The following SYTL5 variants were observed in gnomAD, a reference collection of about 807,000 sequenced individuals.
The protein encoded by SYTL5 is synaptotagmin like 5.
In SYTL5, 34 loss-of-function variants were observed where a neutral mutation model predicts 55.9. The ratio of observed to expected loss-of-function variants is 0.61; its 90% CI spans 0.46 to 0.81. SYTL5 has a LOEUF of 0.81. Among genes scored for constraint, SYTL5 ranks in the 30% least tolerant of loss-of-function variants. The pLI, the probability that SYTL5 is intolerant of heterozygous loss-of-function variation, is 0.00. For synonymous variants in SYTL5, 221 were observed against 188.7 expected, an observed-to-expected ratio of 1.17 and a Z score of -1.40; for missense variants, 637 against 546.7, an observed-to-expected ratio of 1.17 and a Z score of -1.65.
chrX:38,106,553 G>A lies in SYTL5; in HGVS notation c.1156-40G>A, dbSNP rs1937214735. The A allele has an allele frequency of 2.7e-6, 3 of 1,098,209 alleles. No individual in the cohort carries two copies. In the East Asian group the frequency reaches 9.4e-5, roughly 34 times the overall value. 90.5% of individuals were successfully genotyped at this position (1,098,209 alleles called of 1,213,427 possible). ...AGTTGATTCTGTGAAGAGATCATTA[G>A]AATGACACTAGAAGCCTTTTTCCAT... is the stretch of plus-strand genomic sequence containing the variant. On this transcript the variant is annotated intron_variant, in intron 10 of 16. Transcript: ENST00000297875.
chrX:37,919,521 A>G, the SYTL5 span, among the ~76,000 whole-genome samples: 1 of 111,877 alleles, frequency 8.9e-6, no homozygotes. Flanking sequence ...CTAAAAGGTG[A>G]TCATATTAGG....
intron 6 of SYTL5, among the ~76,000 whole-genome samples, chrX:38,084,392 A>C (rs1189203374): frequency 8.9e-6 from 1 of 112,208 alleles, no homozygotes. Flanking sequence ...CTAATTAAAC[A>C]CAAAGAGGGG....
chrX:37,968,420 AAG>A, the SYTL5 span, among the ~76,000 whole-genome samples: 1 of 111,262 alleles, frequency 9.0e-6, no homozygotes, highest in Non-Finnish European at 1.9e-5. Flanking sequence ...TTCTGGTGAA[AAG>A]GGTTTGAAAG....
At chrX:37,995,267 A>T in the SYTL5 span, among the ~76,000 whole-genome samples, 3 of 110,040 alleles carry the variant, frequency 2.7e-5, no homozygotes, top group African/African-American at 1.0e-4. Context: ...ATTCAGGATA[A>T]CAAAGGTCTG....
the SYTL5 span, among the ~76,000 whole-genome samples, chrX:37,982,139 T>G: frequency 8.9e-6 from 1 of 111,911 alleles, no homozygotes; most frequent in Non-Finnish European, 1.9e-5. Flanking sequence ...ATTATAAATA[T>G]CTTCAAAGGA....
At chrX:38,046,012 A>C (rs994893404) in intron 2 of SYTL5, among the ~76,000 whole-genome samples, 7 of 111,832 alleles carry the variant, frequency 6.3e-5, no homozygotes, top group Non-Finnish European at 1.1e-4. Context: ...AACAGTCATG[A>C]ATAAATACGG....
At chrX:37,961,680 A>G in the SYTL5 span, among the ~76,000 whole-genome samples, 88 of 112,186 alleles carry the variant, frequency 7.8e-4, no homozygotes, top group South Asian at 4.5e-3. Context: ...ATAAATGCCT[A>G]AAAGACATTT....
Position 38,115,212 on chromosome X carries a change from C to T in SYTL5, c.1596+4730C>T, listed in dbSNP as rs1052955724. Reference sequence around the variant, plus strand: ...TAAGATACTTATTTCAGGCCGGGCGCGGTGGCTCACGCCTGTAATCCCAGC... The same window carrying T: ...TAAGATACTTATTTCAGGCCGGGCGTGGTGGCTCACGCCTGTAATCCCAGC... On this transcript the variant is annotated intron_variant, in intron 13 of 16. Coordinates refer to ENST00000297875, the MANE Select transcript of SYTL5 (RefSeq NM_138780.3). 6.7e-5 allele frequency among the ~76,000 whole-genome samples: 7 copies of T among 104,868 alleles called. No homozygotes were observed. The East Asian group carries it at 1.1e-3, about 17-fold the overall frequency. The allele number at this position is 104,868 out of a possible 115,157, so 91.1% of individuals were successfully genotyped here.
chrX:38,113,046 G>A, intron 13 of SYTL5, among the ~76,000 whole-genome samples: 1 of 112,146 alleles, frequency 8.9e-6, no homozygotes, highest in South Asian at 3.8e-4. Context: ...ATTAGTGAAG[G>A]TTCCTCAATA....
intron 7 of SYTL5, among the ~76,000 whole-genome samples, chrX:38,092,028 T>C (rs184873348): frequency 8.5e-4 from 95 of 112,311 alleles, no homozygotes; most frequent in Admixed American, 1.4e-3. Context: ...TTCTATTGAA[T>C]AAAAATAAGA....
rs1032445545 is a variant in SYTL5, at chrX:38,128,690, G to A, written c.*1960G>A. 7.2e-5 allele frequency: 8 copies of A among 111,754 alleles called. No homozygotes were observed. Among genetic ancestry groups the A allele is most frequent in the Non-Finnish European group, 1.5e-4 (8 of 53,167 alleles). The allele number at this position is 111,754 out of a possible 1,213,427, so 9.2% of individuals were successfully genotyped here. A position where few individuals can be genotyped will look rare whatever the true frequency, so the allele number is the denominator to read the frequency against. On this transcript the variant is annotated 3_prime_UTR_variant, in exon 17 of 17. Transcript: ENST00000297875. The stretch of plus-strand genomic sequence containing the variant: ...ATGGTTATTAGTCTAGTGTCGCTTA[G>A]CAAGGTACTTAAAAGAAAATCTGCA...
the SYTL5 span, among the ~76,000 whole-genome samples, chrX:37,928,853 T>A: frequency 8.9e-6 from 1 of 112,350 alleles, no homozygotes; most frequent in Non-Finnish European, 1.9e-5. Context: ...TGGTAAGCCA[T>A]CTTATTTCTT....
the SYTL5 span, among the ~76,000 whole-genome samples, chrX:37,943,712 G>C: frequency 9.0e-6 from 1 of 111,519 alleles, no homozygotes; most frequent in Non-Finnish European, 1.9e-5. Flanking sequence ...AAAGGAGGGA[G>C]TCTTTGTTAC....
chrX:38,036,782 A>G (rs1935119428), intron 2 of SYTL5, among the ~76,000 whole-genome samples: 3 of 112,145 alleles, frequency 2.7e-5, no homozygotes, highest in Admixed American at 1.9e-4. Context: ...TTTAGACAAG[A>G]TGTTTCCATG....
intron 7 of SYTL5, among the ~76,000 whole-genome samples, chrX:38,092,102 G>A (rs985006016): frequency 8.9e-6 from 1 of 112,160 alleles, no homozygotes. Context: ...AGCATTAGAT[G>A]GCAAGTATAT....
At chrX:37,993,466 T>C in the SYTL5 span, among the ~76,000 whole-genome samples, 5 of 112,026 alleles carry the variant, frequency 4.5e-5, no homozygotes, top group South Asian at 1.8e-3. Context: ...GGGTATAACA[T>C]TGTGACCTTT....
chrX:37,996,499 G>T, the SYTL5 span, among the ~76,000 whole-genome samples: 1 of 112,569 alleles, frequency 8.9e-6, no homozygotes. Flanking sequence ...AAGGACAGAG[G>T]CCGGGGTGAC....
chrX:38,128,757 G>A lies in SYTL5; in HGVS notation c.*2027G>A, dbSNP rs1022660573. 4.7e-4 allele frequency: 52 copies of A among 110,860 alleles called. No individual in the cohort carries two copies. The highest frequency in any genetic ancestry group is 1.7e-3 in the African/African-American group (51 of 30,501). 9.1% of individuals were successfully genotyped at this position (110,860 alleles called of 1,213,427 possible). A position where few individuals can be genotyped will look rare whatever the true frequency, so the allele number is the denominator to read the frequency against. On this transcript the variant is annotated 3_prime_UTR_variant, in exon 17 of 17. Coordinates refer to ENST00000297875, the MANE Select transcript of SYTL5 (RefSeq NM_138780.3). ...CCTTCTTAAAAACAGAAAACAAAAA[G>A]TGTAAGATCATCATTGCTTCCCACA...
At chrX:38,012,508 T>C (rs1222632418) in intron 1 of SYTL5, among the ~76,000 whole-genome samples, 2 of 112,013 alleles carry the variant, frequency 1.8e-5, no homozygotes, top group African/African-American at 3.2e-5. Context: ...CAGATAATGA[T>C]GTTCCAGGTT....
Sources: gnomAD v4.1 joint callset for allele counts (sites outside exome capture counted in the v4.1 genomes callset) on GRCh38, gnomAD v4.1.1 for gene constraint, MANE v1.5 for transcripts, NCBI Gene and HGNC (gene_info 2026-07-23, HGNC 2026-07-21) for gene names.